Variants in ATP13A4 observed in about 807,000 individuals in gnomAD.
ATP13A4 encodes ATPase 13A4.
Under a neutral mutation model 142.5 loss-of-function variants are expected in ATP13A4, and 114 were observed. The observed-to-expected ratio is 0.80, with a 90% confidence interval of 0.69 to 0.93. The LOEUF (loss-of-function observed/expected upper bound fraction) is 0.93, where lower values mean the gene tolerates loss of function less well. Ranked by LOEUF, ATP13A4 falls within the 40% of genes least tolerant of loss-of-function variation. The pLI, the probability that ATP13A4 is intolerant of heterozygous loss-of-function variation, is 0.00. For synonymous variants in ATP13A4, 488 were observed against 514.8 expected (o/e 0.95, Z 0.70); for missense variants, 1,392 against 1,454.0 (o/e 0.96, Z 0.69).
rs1277093805 is a variant in ATP13A4 at position 193,541,356 on chromosome 3, ATCT to A, written c.60+13381_60+13383del. On this transcript the variant is annotated intron_variant, in intron 1 of 29. Coordinates refer to ENST00000342695, the MANE Select transcript of ATP13A4 (RefSeq NM_032279.4). ...CAAAGATATTATCTGATCACAGATT[ATCT>A]ATCTGTGATTATCGATCACAGATTA... Among the ~76,000 whole-genome samples, 67 of 88,338 alleles carry A rather than the reference ATCT, an allele frequency of 7.6e-4. 1 individual carries two copies. Among genetic ancestry groups the A allele is most frequent in the Non-Finnish European group, 1.0e-3 (32 of 31,820 alleles). 58.0% of individuals were successfully genotyped at this position (88,338 alleles called of 152,430 possible). A position where few individuals can be genotyped will look rare whatever the true frequency, so the allele number is the denominator to read the frequency against.
At chr3:193,459,941 CAAG>C (rs1560203038) in intron 13 of ATP13A4, among the ~76,000 whole-genome samples, 1 of 152,310 alleles carries the variant, frequency 6.6e-6, no homozygotes, top group Middle Eastern at 3.4e-3. Flanking sequence ...TTTGGCGTCA[CAAG>C]AAGAATGTTG....
chr3:193,518,931 C>T (rs958204096), intron 1 of ATP13A4, among the ~76,000 whole-genome samples: 1 of 152,124 alleles, frequency 6.6e-6, no homozygotes, highest in Non-Finnish European at 1.5e-5. Context: ...GAGTTTGTCT[C>T]CCAGGGTACA....
At chr3:193,517,619 T>C (rs1297388637) in intron 1 of ATP13A4, among the ~76,000 whole-genome samples, 2 of 152,194 alleles carry the variant, frequency 1.3e-5, no homozygotes, top group African/African-American at 2.4e-5. Context: ...TAGCTGGGAC[T>C]ACAGGCGCCC....
At position 193,399,615 on chromosome 3, in the gene ATP13A4, G is replaced by A. The variant is rs1381064998; in HGVS notation, c.*3037C>T. Among the ~76,000 whole-genome samples the A allele has an allele frequency of 2.6e-5, 4 of 152,056 alleles. No homozygotes were observed. Among genetic ancestry groups the A allele is most frequent in the Non-Finnish European group, 4.4e-5 (3 of 68,010 alleles). On this transcript the variant is annotated 3_prime_UTR_variant, in exon 30 of 30. Coordinates refer to ENST00000342695, the MANE Select transcript of ATP13A4 (RefSeq NM_032279.4). ...TGTAATCCCGGCACTTTGGGAGGCCGAGGCGGGCGGATCACGAGGTCAGGA... is the reference window on the plus strand; with the variant it reads ...TGTAATCCCGGCACTTTGGGAGGCCAAGGCGGGCGGATCACGAGGTCAGGA...
chr3:193,540,150 A>G (rs1722806600), intron 1 of ATP13A4, among the ~76,000 whole-genome samples: 1 of 152,150 alleles, frequency 6.6e-6, no homozygotes, highest in African/African-American at 2.4e-5. Context: ...GGGAGAAGGT[A>G]CATGGGAAAT....
intron 3 of ATP13A4, 129 bp downstream of exon 3, chr3:193,502,364 A>G (rs1465670870): frequency 8.5e-7 from 1 of 1,179,018 alleles, no homozygotes; most frequent in Non-Finnish European, 1.2e-6. Flanking sequence ...GTCTGGCTCC[A>G]AAGTTCACAT....
At chr3:193,545,734 C>A (rs1245705120) in intron 1 of ATP13A4, among the ~76,000 whole-genome samples, 1 of 152,140 alleles carries the variant, frequency 6.6e-6, no homozygotes, top group East Asian at 1.9e-4. Context: ...GGCCTGAGGA[C>A]CCTATACGGT....
At chr3:193,570,732 C>G (rs1235630382) in intron 2 of ATP13A4, among the ~76,000 whole-genome samples, 1 of 152,176 alleles carries the variant, frequency 6.6e-6, no homozygotes, top group Non-Finnish European at 1.5e-5. Context: ...TGAATTCTCA[C>G]AGACCAGAGC....
intron 14 of ATP13A4, chr3:193,458,816 G>A (rs941717099): frequency 5.0e-6 from 3 of 605,614 alleles, no homozygotes; most frequent in East Asian, 5.5e-5. Flanking sequence ...TAATATGATC[G>A]AACCTTTAAT....
chr3:193,572,075 G>A (rs188199439), intron 2 of ATP13A4, among the ~76,000 whole-genome samples: 11 of 152,110 alleles, frequency 7.2e-5, no homozygotes, highest in East Asian at 1.9e-4. Flanking sequence ...GCAAAACCCC[G>A]CCTCTACAAA....
intron 1 of ATP13A4, among the ~76,000 whole-genome samples, chr3:193,527,479 A>T (rs1005186270): frequency 6.6e-6 from 1 of 151,924 alleles, no homozygotes; most frequent in African/African-American, 2.4e-5. Context: ...GGGCATGGTG[A>T]CATGTGCCTG....
intron 2 of ATP13A4, among the ~76,000 whole-genome samples, chr3:193,513,869 A>G (rs1721264939): frequency 6.6e-6 from 1 of 152,090 alleles, no homozygotes; most frequent in African/African-American, 2.4e-5. Context: ...CTCAGGAGTC[A>G]CTCCAGTGCA....
chr3:193,418,267 C>T lies in ATP13A4; in HGVS notation c.2843-3517G>A, dbSNP rs146191015. The stretch of plus-strand genomic sequence containing the variant: ...CGAGGGGCCAGAGCCTGCAGTGAGC[C>T]GAGATTGCGCCACTGCACTCCAGCC... On this transcript the variant is annotated intron_variant, in intron 25 of 29. Transcript: ENST00000342695. Among the ~76,000 whole-genome samples the T allele has an allele frequency of 3.4e-3, 488 of 144,382 alleles. 17 individuals are homozygous for T. The highest frequency in any genetic ancestry group is 0.012 in the African/African-American group (457 of 38,642). The allele number at this position is 144,382 out of a possible 152,430, so 94.7% of individuals were successfully genotyped here. A position where few individuals can be genotyped will look rare whatever the true frequency, so the allele number is the denominator to read the frequency against.
intron 6 of ATP13A4, 110 bp from the exon 7 acceptor site, chr3:193,489,974 T>C: frequency 8.3e-7 from 1 of 1,207,162 alleles, no homozygotes; most frequent in Non-Finnish European, 1.2e-6. Context: ...TCCCACACAA[T>C]ATTCTTATTA....
chr3:193,418,418 T>C (rs1715227215), intron 25 of ATP13A4, among the ~76,000 whole-genome samples: 1 of 149,136 alleles, frequency 6.7e-6, no homozygotes, highest in African/African-American at 2.5e-5. Context: ...AAAACAACAC[T>C]ATATTTTGAT....
intron 13 of ATP13A4, 58 bp downstream of exon 13, chr3:193,462,704 G>A (rs1028920009): frequency 3.4e-5 from 51 of 1,518,306 alleles, no homozygotes; most frequent in Admixed American, 6.7e-5. Context: ...GAGAAAACAC[G>A]GAATTTTGGA....
At chr3:193,501,132 T>C (rs1720518417) in intron 3 of ATP13A4, among the ~76,000 whole-genome samples, 1 of 152,184 alleles carries the variant, frequency 6.6e-6, no homozygotes, top group Admixed American at 6.5e-5. Context: ...ACTTATTTAT[T>C]TGATGCTACT....
chr3:193,488,125 G>A (rs1294651871), intron 7 of ATP13A4, among the ~76,000 whole-genome samples: 4 of 152,114 alleles, frequency 2.6e-5, no homozygotes, highest in Non-Finnish European at 4.4e-5. Flanking sequence ...TTAGCCGGGT[G>A]TGGTGGCACA....
chr3:193,408,572 T>C (rs1474961853), intron 28 of ATP13A4, among the ~76,000 whole-genome samples: 1 of 152,198 alleles, frequency 6.6e-6, no homozygotes, highest in Non-Finnish European at 1.5e-5. Context: ...GGAGGATAAA[T>C]GGTGGATACC....
Sources: gnomAD v4.1 joint callset for allele counts (sites outside exome capture counted in the v4.1 genomes callset) on GRCh38, gnomAD v4.1.1 for gene constraint, MANE v1.5 for transcripts, NCBI Gene and HGNC (gene_info 2026-07-23, HGNC 2026-07-21) for gene names.